The following DEPTOR variants were observed in gnomAD, a reference collection of about 807,000 sequenced individuals.
The protein encoded by DEPTOR is DEP domain containing MTOR interacting protein.
In DEPTOR, 41 loss-of-function variants were observed where a neutral mutation model predicts 41.6. That is an observed-to-expected ratio of 0.98 (90% confidence interval 0.77 to 1.28). The LOEUF (loss-of-function observed/expected upper bound fraction) is 1.28, where lower values mean the gene tolerates loss of function less well. DEPTOR is among the 50% of genes most tolerant of loss of function. The pLI, the probability that DEPTOR is intolerant of heterozygous loss-of-function variation, is 0.00. For synonymous variants in DEPTOR, 195 were observed against 192.3 expected (o/e 1.01, Z -0.12); for missense variants, 514 against 527.9 (o/e 0.97, Z 0.26).
chr8:119,935,539 G>A (rs1325970052), intron 3 of DEPTOR, among the ~76,000 whole-genome samples: 1 of 152,018 alleles, frequency 6.6e-6, no homozygotes, highest in Non-Finnish European at 1.5e-5. Context: ...TGGCCAACAG[G>A]GTGAAACCCT....
chr8:119,904,950 C>T (rs1349389629), intron 1 of DEPTOR, among the ~76,000 whole-genome samples: 1 of 148,790 alleles, frequency 6.7e-6, no homozygotes, highest in East Asian at 2.0e-4. Flanking sequence ...CGCTACCATG[C>T]CTGGCTAATT....
chr8:119,903,521 G>T (rs1827621805), intron 1 of DEPTOR, among the ~76,000 whole-genome samples: 1 of 152,188 alleles, frequency 6.6e-6, no homozygotes, highest in African/African-American at 2.4e-5. Context: ...TCAACATAGT[G>T]AAGTTGTTGA....
intron 4 of DEPTOR, among the ~76,000 whole-genome samples, chr8:119,995,046 A>G (rs1043835692): frequency 2.0e-5 from 3 of 152,220 alleles, no homozygotes; most frequent in Non-Finnish European, 4.4e-5. Context: ...TGAGTTCTGC[A>G]TAGGAACTTA....
At chr8:119,942,509 A>T (rs757456526) in intron 3 of DEPTOR, among the ~76,000 whole-genome samples, 1 of 152,048 alleles carries the variant, frequency 6.6e-6, no homozygotes, top group Non-Finnish European at 1.5e-5. Flanking sequence ...TCCGGCCGTG[A>T]CTTGATTTAA....
chr8:119,881,263 T>G (rs1234394393), intron 1 of DEPTOR, among the ~76,000 whole-genome samples: 1 of 152,198 alleles, frequency 6.6e-6, no homozygotes, highest in East Asian at 1.9e-4. Flanking sequence ...GGGTCAGGCC[T>G]GTAATCCTGG....
At position 120,023,531 on chromosome 8, in the gene DEPTOR, T is replaced by C. The variant is rs143993650; in HGVS notation, c.1101+14398T>C. 1.2e-3 allele frequency among the ~76,000 whole-genome samples: 188 copies of C among 152,252 alleles called. 2 individuals carry two copies. Among genetic ancestry groups the C allele is most frequent in the African/African-American group, 4.1e-3 (171 of 41,548 alleles). ...GTTTGGGGTGGGAGGGCACAGTCCA[T>C]AGCAGTGACCAACCCAAGAATCTTG... On this transcript the variant is annotated intron_variant, in intron 8 of 8. Coordinates refer to ENST00000286234, the MANE Select transcript of DEPTOR (RefSeq NM_022783.4).
At chr8:119,920,447 G>A (rs1320140456) in intron 1 of DEPTOR, among the ~76,000 whole-genome samples, 1 of 152,148 alleles carries the variant, frequency 6.6e-6, no homozygotes, top group Non-Finnish European at 1.5e-5. Context: ...TTCTGGCTTT[G>A]GAAGGCTGGG....
In DEPTOR at chr8:119,928,422, G is replaced by T; in HGVS notation, c.145G>T (p.Val49Phe). ...QLRLRLHEEK[V>F]IKDRRHHLKT... ...CAGGCTCAGGCTGCACGAAGAAAAG[G>T]TTATTAAAGATAGACGTCATCATCT... Residue 49 changes from valine to phenylalanine, a missense_variant, in exon 2 of 9, where the codon GTT becomes TTT. Transcript: ENST00000286234. 2.5e-6 allele frequency: 4 copies of T among 1,613,470 alleles called. No individual in the cohort carries two copies. Among genetic ancestry groups the T allele is most frequent in the Non-Finnish European group, 2.5e-6 (3 of 1,179,812 alleles).
chr8:119,921,944 A>G (rs1827901478), intron 1 of DEPTOR, among the ~76,000 whole-genome samples: 1 of 151,768 alleles, frequency 6.6e-6, no homozygotes, highest in Admixed American at 6.6e-5. Flanking sequence ...TGTAGTATTT[A>G]AACATAAATA....
At chr8:119,934,431 A>T (rs1828084158) in intron 3 of DEPTOR, among the ~76,000 whole-genome samples, 1 of 152,202 alleles carries the variant, frequency 6.6e-6, no homozygotes, top group Non-Finnish European at 1.5e-5. Context: ...CTGCACAGTG[A>T]GTGGCAATGG....
chr8:120,042,811 G>A (rs761493600), intron 8 of DEPTOR, among the ~76,000 whole-genome samples: 2 of 151,890 alleles, frequency 1.3e-5, no homozygotes, highest in Non-Finnish European at 2.9e-5. Context: ...TGAGCACTGT[G>A]CCCAGCGTAT....
chr8:119,933,586 T>A (rs1442592951), intron 3 of DEPTOR, among the ~76,000 whole-genome samples: 1 of 152,078 alleles, frequency 6.6e-6, no homozygotes, highest in Non-Finnish European at 1.5e-5. Flanking sequence ...GATGGAGCAT[T>A]ACTTTACTGG....
chr8:119,951,068 CACAA>C (rs200818700), intron 3 of DEPTOR, among the ~76,000 whole-genome samples: 3,667 of 130,588 alleles, frequency 0.028, 47 homozygotes, highest in Non-Finnish European at 0.039. Context: ...TATACACACA[CACAA>C]ACACACACAC....
intron 4 of DEPTOR, among the ~76,000 whole-genome samples, chr8:119,980,255 A>G (rs915330881): frequency 6.6e-6 from 1 of 151,958 alleles, no homozygotes; most frequent in Non-Finnish European, 1.5e-5. Context: ...TGCAATCTAT[A>G]TGAAAAATAC....
At chr8:120,022,016 C>T (rs573399657) in intron 8 of DEPTOR, among the ~76,000 whole-genome samples, 29 of 152,138 alleles carry the variant, frequency 1.9e-4, no homozygotes, top group African/African-American at 7.0e-4. Context: ...GGCACGTAGT[C>T]AGCCACTACT....
intron 3 of DEPTOR, among the ~76,000 whole-genome samples, chr8:119,938,990 C>A (rs1216587143): frequency 2.2e-5 from 3 of 135,832 alleles, no homozygotes; most frequent in Non-Finnish European, 4.7e-5. Context: ...TCTCTAATTT[C>A]TTTATAGGAA....
At chr8:119,943,960 C>T (rs747602785) in intron 3 of DEPTOR, among the ~76,000 whole-genome samples, 127 of 152,140 alleles carry the variant, frequency 8.3e-4, no homozygotes, top group Admixed American at 2.6e-3. Flanking sequence ...GCCTCAGCCT[C>T]CCGAGTAGCT....
chr8:119,893,715 C>G (rs965402510), intron 1 of DEPTOR, among the ~76,000 whole-genome samples: 2 of 151,948 alleles, frequency 1.3e-5, no homozygotes, highest in African/African-American at 4.8e-5. Context: ...GTAACCCCAA[C>G]TACTCGGGAG....
intron 8 of DEPTOR, among the ~76,000 whole-genome samples, chr8:120,038,814 C>CT (rs1240433536): frequency 1.3e-5 from 2 of 152,056 alleles, no homozygotes; most frequent in African/African-American, 4.8e-5. Context: ...GCTCTGTGAA[C>CT]TTGGGCCAAT....
Sources: gnomAD v4.1 joint callset for allele counts (sites outside exome capture counted in the v4.1 genomes callset) on GRCh38, gnomAD v4.1.1 for gene constraint, MANE v1.5 for transcripts, NCBI Gene and HGNC (gene_info 2026-07-23, HGNC 2026-07-21) for gene names.